Variants in CDC42BPB observed in about 807,000 individuals in gnomAD.
The protein encoded by CDC42BPB is CDC42 binding protein kinase beta.
CDC42BPB carries 37 observed loss-of-function variants against 214.9 expected under a neutral mutation model. The observed-to-expected ratio is 0.17, with a 90% CI of 0.13 to 0.23. The LOEUF (loss-of-function observed/expected upper bound fraction) is 0.23, where lower values mean the gene tolerates loss of function less well. Ranked by LOEUF, CDC42BPB falls within the 10% of genes least tolerant of loss-of-function variation. The pLI, the probability that CDC42BPB is intolerant of heterozygous loss-of-function variation, is 1.00. For missense variants in CDC42BPB, 1,694 were observed against 2,227.0 expected, an observed-to-expected ratio of 0.76 and a Z score of 4.82; for synonymous variants, 931 against 884.0, an observed-to-expected ratio of 1.05 and a Z score of -0.94.
At chr14:103,012,411 A>G (rs1886209134) in intron 1 of CDC42BPB, 3 of 279,502 alleles carry the variant, frequency 1.1e-5, no homozygotes, top group East Asian at 1.7e-4. Flanking sequence ...GCAGCCACGC[A>G]CTGGGTAACA....
intron 14 of CDC42BPB, among the ~76,000 whole-genome samples, chr14:102,969,053 T>C (rs1161428830): frequency 6.6e-6 from 1 of 152,228 alleles, no homozygotes; most frequent in African/African-American, 2.4e-5. Flanking sequence ...GTCTCTGCTC[T>C]CTTGGGGCTG....
At chr14:102,987,775 CCACAAACA>C (rs1317885895) in intron 5 of CDC42BPB, among the ~76,000 whole-genome samples, 16 of 117,678 alleles carry the variant, frequency 1.4e-4, no homozygotes, top group South Asian at 2.9e-4. Flanking sequence ...AAACAAAATC[CCACAAACA>C]CACAAACACA....
chr14:102,990,063 G>A (rs1296154526), intron 5 of CDC42BPB, among the ~76,000 whole-genome samples: 1 of 152,238 alleles, frequency 6.6e-6, no homozygotes, highest in Non-Finnish European at 1.5e-5. Flanking sequence ...GATAAAGAAG[G>A]GGCGACGCTT....
chr14:103,021,288 G>A (rs573114197), intron 1 of CDC42BPB, among the ~76,000 whole-genome samples: 6 of 152,154 alleles, frequency 3.9e-5, no homozygotes, highest in African/African-American at 1.2e-4. Flanking sequence ...GTGAAACCCC[G>A]TCTCTACTAA....
chr14:102,963,743 G>A (rs1401207436), intron 19 of CDC42BPB, among the ~76,000 whole-genome samples: 1 of 152,226 alleles, frequency 6.6e-6, no homozygotes, highest in Non-Finnish European at 1.5e-5. Flanking sequence ...TGGGCTGTGG[G>A]AGGGTCACAG....
rs1020400206 is a variant in CDC42BPB, at chr14:103,008,500, T to C, written c.323A>G (p.Asn108Ser). 6 of 1,611,964 alleles carry C rather than the reference T, an allele frequency of 3.7e-6. No individual in the cohort carries two copies. The highest frequency in any genetic ancestry group is 1.3e-5 in the African/African-American group (1 of 75,014). Residue 108 changes from asparagine (N) to serine (S), a missense_variant, in exon 3 of 37, where the codon AAC becomes AGC. Physicochemically the swap from Asn to Ser is conservative, Grantham distance 46. This residue lies in a region of CDC42BPB where 225 missense variants were observed against 459.3 expected (regional missense o/e 0.49). Coordinates refer to ENST00000361246, the MANE Select transcript of CDC42BPB (RefSeq NM_006035.4). ...TGCTCTTTTCAGCATCTCCCACTTG[T>C]TGAGGATTTTCATTGCATAAATTCG... ...TERIYAMKIL[N>S]KWEMLKRAET...
intron 1 of CDC42BPB, among the ~76,000 whole-genome samples, chr14:103,053,932 C>T (rs953859031): frequency 6.6e-6 from 1 of 152,042 alleles, no homozygotes; most frequent in African/African-American, 2.4e-5. Context: ...CCTTGACCTC[C>T]CAGGCTCAAG....
intron 21 of CDC42BPB, among the ~76,000 whole-genome samples, chr14:102,955,331 G>A (rs963337192): frequency 6.6e-6 from 1 of 152,198 alleles, no homozygotes; most frequent in Non-Finnish European, 1.5e-5. Context: ...GCTGAGGCAC[G>A]ACAATCGCTT....
intron 1 of CDC42BPB, among the ~76,000 whole-genome samples, chr14:103,048,579 C>T (rs192391995): frequency 0.027 from 3,728 of 136,928 alleles, 156 homozygotes; most frequent in African/African-American, 0.095. Flanking sequence ...GGCATGGTGG[C>T]GGGCGCCTGT....
intron 35 of CDC42BPB, 33 bp downstream of exon 35, chr14:102,938,273 C>G (rs1287775698): frequency 6.2e-7 from 1 of 1,602,776 alleles, no homozygotes; most frequent in Non-Finnish European, 8.5e-7. Context: ...CCCCACCTCC[C>G]CCAGGGCTGC....
chr14:103,011,943 T>C (rs1411294446), intron 2 of CDC42BPB, among the ~76,000 whole-genome samples, 154 bp downstream of exon 2: 1 of 152,084 alleles, frequency 6.6e-6, no homozygotes, highest in Non-Finnish European at 1.5e-5. Context: ...TGGTGAGACC[T>C]CATCTTAGAA....
intron 18 of CDC42BPB, 129 bp downstream of exon 18, chr14:102,966,153 G>C: frequency 1.6e-6 from 1 of 621,132 alleles, no homozygotes; most frequent in Non-Finnish European, 2.8e-6. Flanking sequence ...CCTTAAATTG[G>C]GGAACTGGTT....
intron 13 of CDC42BPB, among the ~76,000 whole-genome samples, chr14:102,970,960 T>C (rs954348037): frequency 1.3e-5 from 2 of 152,044 alleles, no homozygotes; most frequent in African/African-American, 4.8e-5. Flanking sequence ...TTTAATAGAG[T>C]TCTAAACTAA....
chr14:103,054,536 C>G (rs1023839489), intron 1 of CDC42BPB, among the ~76,000 whole-genome samples: 1 of 152,150 alleles, frequency 6.6e-6, no homozygotes, highest in African/African-American at 2.4e-5. Context: ...GCTTTCCAAT[C>G]GAAACAACCA....
At position 103,011,016 on chromosome 14, in the gene CDC42BPB, C is replaced by T. The variant is rs570184109; in HGVS notation, c.267+1081G>A. 2.0e-5 allele frequency among the ~76,000 whole-genome samples: 3 copies of T among 152,168 alleles called. No homozygotes were observed. The South Asian group carries it at 6.2e-4, about 32-fold the overall frequency. ...CTGCACTCCAGCCTGGGTGACACAG[C>T]GAGACTCCATCTCAAAAAACAAAAA... On this transcript the variant is annotated intron_variant, in intron 2 of 36. Coordinates refer to ENST00000361246, the MANE Select transcript of CDC42BPB (RefSeq NM_006035.4).
intron 8 of CDC42BPB, among the ~76,000 whole-genome samples, chr14:102,979,326 C>A (rs1443901195): frequency 6.6e-6 from 1 of 151,820 alleles, no homozygotes; most frequent in Admixed American, 6.6e-5. Context: ...GATTCTCCTG[C>A]CTCAGCCTCC....
At chr14:103,049,765 G>A (rs1187884897) in intron 1 of CDC42BPB, among the ~76,000 whole-genome samples, 1 of 152,220 alleles carries the variant, frequency 6.6e-6, no homozygotes, top group East Asian at 1.9e-4. Context: ...CCACGCTGGA[G>A]AGCAATGGCA....
intron 5 of CDC42BPB, among the ~76,000 whole-genome samples, chr14:102,991,655 CAT>C (rs755978998): frequency 1.7e-4 from 26 of 152,256 alleles, no homozygotes; most frequent in Non-Finnish European, 2.9e-4. Flanking sequence ...TGTGTGTACA[CAT>C]GTGGAGAGGG....
Position 102,980,777 on chromosome 14 carries a change from T to C in CDC42BPB, c.1136A>G (p.Asn379Ser). Residue 379 changes from asparagine (N) to serine (S), a missense_variant, in exon 8 of 37, where the codon AAC (asparagine) becomes AGC (serine). This residue lies in a region of CDC42BPB where 225 missense variants were observed against 459.3 expected (regional missense o/e 0.49). Transcript: ENST00000361246. ...GAACGGTGCTTTCACACTCACCGTG[T>C]TTCTCAGCACGTCGTCATCCACGTC... Reference protein sequence around the residue: ...NFDVDDDVLRNTEILPPGSHT... With the variant: ...NFDVDDDVLRSTEILPPGSHT... 6.2e-7 allele frequency: 1 copy of C among 1,613,992 alleles called. No individual in the cohort carries two copies. Among genetic ancestry groups the C allele is most frequent in the Non-Finnish European group, 8.5e-7 (1 of 1,179,866 alleles).
Sources: gnomAD v4.1 joint callset for allele counts (sites outside exome capture counted in the v4.1 genomes callset) on GRCh38, gnomAD v4.1.1 for gene constraint, gnomAD v4.1.1 regional missense constraint, MANE v1.5 for transcripts, NCBI Gene and HGNC (gene_info 2026-07-23, HGNC 2026-07-21) for gene names.